Variants in PHACTR2 observed in about 807,000 individuals in gnomAD.
PHACTR2 encodes the protein phosphatase and actin regulator 2, also known as chromosome 6 open reading frame 56.
A neutral mutation model predicts 76.0 loss-of-function variants in PHACTR2; 30 were observed. That is an observed-to-expected ratio of 0.39 (90% CI 0.30 to 0.54). The LOEUF (loss-of-function observed/expected upper bound fraction) is 0.54. Ranked by LOEUF, PHACTR2 falls within the 20% of genes least tolerant of loss-of-function variation. The pLI is 0.61. For synonymous variants in PHACTR2, 292 were observed against 292.5 expected, an observed-to-expected ratio of 1.00 and a Z score of 0.02; for missense variants, 696 against 781.1, an observed-to-expected ratio of 0.89 and a Z score of 1.30.
rs561896201 is a variant in PHACTR2, at chr6:143,793,274, T to C, written c.1845+4364T>C. Among the ~76,000 whole-genome samples, 2 of 152,320 alleles carry C rather than the reference T, an allele frequency of 1.3e-5. 1 individual carries two copies. Among genetic ancestry groups the C allele is most frequent in the South Asian group, 4.1e-4 (2 of 4,826 alleles). ...AGCTGTAACAGAGAGGATTTTTTTTTTTAATTTTATGTTGAAACAAAAATG... is the reference window on the plus strand; with the variant it reads ...AGCTGTAACAGAGAGGATTTTTTTTCTTAATTTTATGTTGAAACAAAAATG... On this transcript the variant is annotated intron_variant, in intron 11 of 12. Transcript: ENST00000440869. This position sits in a 1 kb window ranked among gnomAD's most constrained non-coding sequence, Gnocchi z 4.4.
chr6:143,715,434 A>C (rs1014970818), intron 2 of PHACTR2, among the ~76,000 whole-genome samples: 6 of 152,196 alleles, frequency 3.9e-5, no homozygotes, highest in Admixed American at 3.9e-4. Context: ...CCCAGGCTCC[A>C]GCTGATGCCC....
At chr6:143,545,553 G>A (rs150707677) in intron 1 of PHACTR2, among the ~76,000 whole-genome samples, 1 of 152,324 alleles carries the variant, frequency 6.6e-6, no homozygotes, top group East Asian at 1.9e-4. Context: ...TGAGAGAACA[G>A]TGTATCAGCT....
At chr6:143,567,380 T>A (rs1367339040) in intron 1 of PHACTR2, among the ~76,000 whole-genome samples, 1 of 152,030 alleles carries the variant, frequency 6.6e-6, no homozygotes, top group East Asian at 1.9e-4. Context: ...ATTTATTGAC[T>A]TTTATTTATT....
rs1338259028 is a variant in PHACTR2 at position 143,827,714 on chromosome 6, T to C, written c.*4025T>C. The C allele has an allele frequency of 6.6e-6, 1 of 152,188 alleles. No individual in the cohort carries two copies. Among genetic ancestry groups the C allele is most frequent in the Non-Finnish European group, 1.5e-5 (1 of 68,028 alleles). 9.4% of individuals were successfully genotyped at this position (152,188 alleles called of 1,614,324 possible). On this transcript the variant is annotated 3_prime_UTR_variant, in exon 13 of 13. Coordinates refer to ENST00000440869, the MANE Select transcript of PHACTR2 (RefSeq NM_001100164.2). Reference sequence around the variant, plus strand: ...GTAGTAAGGAACTACTTAGATGCAATTTATTTACAGAATTGTCCCTTGACC... The same window carrying C: ...GTAGTAAGGAACTACTTAGATGCAACTTATTTACAGAATTGTCCCTTGACC...
At chr6:143,799,585 GTCTTTGTTCTCATTGGTT>G (rs1469906621) in intron 11 of PHACTR2, among the ~76,000 whole-genome samples, 1 of 152,046 alleles carries the variant, frequency 6.6e-6, no homozygotes. Flanking sequence ...GGTACATTGT[GTCTTTGTTCTCATTGGTT>G]TCAAAGAACA....
At chr6:143,620,431 G>GTTT (rs1156452712) in intron 1 of PHACTR2, among the ~76,000 whole-genome samples, 1 of 135,424 alleles carries the variant, frequency 7.4e-6, no homozygotes, top group Non-Finnish European at 1.6e-5. Context: ...AAGAAATGAA[G>GTTT]TTTTTTTTTT....
In PHACTR2 at chr6:143,617,016, T is replaced by C. The variant is rs922256532; in HGVS notation, c.13+8694T>C. ...AGGGAGGGCCTTGAGGCTTGGCCTC[T>C]GTCCTACCAGCTTTCAGGAGCCTTT... On this transcript the variant is annotated intron_variant, in intron 1 of 11. Transcript: ENST00000305766. The surrounding 1 kb of genome is among the most constrained non-coding windows in gnomAD (Gnocchi z 4.8). 1.3e-5 allele frequency among the ~76,000 whole-genome samples: 2 copies of C among 152,224 alleles called. No homozygotes were observed. The highest frequency in any genetic ancestry group is 4.8e-5 in the African/African-American group (2 of 41,476).
At chr6:143,545,730 A>G (rs1181473056) in intron 1 of PHACTR2, among the ~76,000 whole-genome samples, 1 of 152,200 alleles carries the variant, frequency 6.6e-6, no homozygotes, top group Non-Finnish European at 1.5e-5. Context: ...CCCCTCATAG[A>G]AACAACTCAT....
At position 143,823,175 on chromosome 6, in the gene PHACTR2, G is replaced by T. The variant is rs1165662271; in HGVS notation, c.1923-499G>T. Among the ~76,000 whole-genome samples, 10 of 152,356 alleles carry T rather than the reference G, an allele frequency of 6.6e-5. No individual in the cohort carries two copies. In the East Asian group the frequency reaches 1.9e-3, roughly 29 times the overall value. ...TTAGTATATACCTGTGGAACATCTGGGGGGAAGCGCCCTGTGGGCTTTTGG... is the reference window on the plus strand; with the variant it reads ...TTAGTATATACCTGTGGAACATCTGTGGGGAAGCGCCCTGTGGGCTTTTGG... On this transcript the variant is annotated intron_variant, in intron 12 of 12. Coordinates refer to ENST00000440869, the MANE Select transcript of PHACTR2 (RefSeq NM_001100164.2). This position sits in a 1 kb window ranked among gnomAD's most constrained non-coding sequence, Gnocchi z 5.7.
In PHACTR2 at chr6:143,823,984, C is replaced by T. The variant is rs1396213587; in HGVS notation, c.*295C>T. On this transcript the variant is annotated 3_prime_UTR_variant, in exon 13 of 13. Coordinates refer to ENST00000440869, the MANE Select transcript of PHACTR2 (RefSeq NM_001100164.2). The surrounding 1 kb of genome is among the most constrained non-coding windows in gnomAD (Gnocchi z 5.7). ...TTAATCAAAGAAGATGAGCAGAAGA[C>T]AATCACTGGCTCCCTGTTACCAGAA... 3.5e-6 allele frequency: 1 copy of T among 284,904 alleles called. No homozygotes were observed. Among genetic ancestry groups the T allele is most frequent in the Non-Finnish European group, 6.5e-6 (1 of 153,978 alleles). 17.6% of individuals were successfully genotyped at this position (284,904 alleles called of 1,614,324 possible).
intron 2 of PHACTR2, among the ~76,000 whole-genome samples, chr6:143,747,759 G>A (rs1035843393): frequency 1.3e-5 from 2 of 152,204 alleles, no homozygotes; most frequent in Non-Finnish European, 2.9e-5. Flanking sequence ...AAGGTCTGGA[G>A]GAAATAGAGT....
At chr6:143,724,292 T>G (rs955695691) in intron 2 of PHACTR2, among the ~76,000 whole-genome samples, 2 of 151,934 alleles carry the variant, frequency 1.3e-5, no homozygotes, top group Admixed American at 1.3e-4. Flanking sequence ...CCACCACGCC[T>G]GGCTAATTTT....
At position 143,775,070 on chromosome 6, in the gene PHACTR2, A is replaced by G. The variant is rs1582868389; in HGVS notation, c.1589+855A>G. On this transcript the variant is annotated intron_variant, in intron 8 of 12. Transcript: ENST00000440869. This position sits in a 1 kb window ranked among gnomAD's most constrained non-coding sequence, Gnocchi z 4.4. ...GAGCAGGATTTGGAGGTGGGGGGAA[A>G]ATTGCTGTCCTTGCTTGGAAGTGGT... 6.6e-6 allele frequency among the ~76,000 whole-genome samples: 1 copy of G among 152,188 alleles called. No homozygotes were observed. The highest frequency in any genetic ancestry group is 1.5e-5 in the Non-Finnish European group (1 of 68,042).
intron 5 of PHACTR2, among the ~76,000 whole-genome samples, chr6:143,762,119 C>T (rs1779456428): frequency 1.3e-5 from 2 of 152,108 alleles, no homozygotes; most frequent in South Asian, 4.1e-4. Context: ...TCCTAGAAAA[C>T]CCTAGAAGCA....
Position 143,731,568 on chromosome 6 carries a change from T to A in PHACTR2, c.215-17417T>A, listed in dbSNP as rs1778702632. 6.6e-6 allele frequency among the ~76,000 whole-genome samples: 1 copy of A among 152,240 alleles called. No individual in the cohort carries two copies. Among genetic ancestry groups the A allele is most frequent in the Non-Finnish European group, 1.5e-5 (1 of 68,042 alleles). ...TCCCAAAGTGCTGGGATTACAGGCA[T>A]GAGCTACGGCGCCCAGCCAGCCCCA... On this transcript the variant is annotated intron_variant, in intron 2 of 12. Transcript: ENST00000440869. This position sits in a 1 kb window ranked among gnomAD's most constrained non-coding sequence, Gnocchi z 4.9.
At chr6:143,712,622 G>A (rs547470197) in intron 2 of PHACTR2, among the ~76,000 whole-genome samples, 11 of 151,814 alleles carry the variant, frequency 7.2e-5, no homozygotes, top group East Asian at 1.9e-4. Flanking sequence ...TACACATAAC[G>A]TAATGTTAAC....
At position 143,688,203 on chromosome 6, in the gene PHACTR2, G is replaced by T. The variant is rs1777565183; in HGVS notation, c.46+9994G>T. ...TTTTTTTTTTTTAAATCAAACCAGA[G>T]AAATGATTATTGCTTTGCCTCCGGA... On this transcript the variant is annotated intron_variant, in intron 1 of 12. Transcript: ENST00000440869. This position sits in a 1 kb window ranked among gnomAD's most constrained non-coding sequence, Gnocchi z 5.2. Among the ~76,000 whole-genome samples, 1 of 151,476 alleles carries T rather than the reference G, an allele frequency of 6.6e-6. No homozygotes were observed. The highest frequency in any genetic ancestry group is 2.1e-4 in the South Asian group (1 of 4,774).
chr6:143,771,203 T>C lies in PHACTR2; in HGVS notation c.1233-1055T>C, dbSNP rs1304061271. 1.9e-3 allele frequency among the ~76,000 whole-genome samples: 122 copies of C among 64,086 alleles called. 2 individuals are homozygous for C. Among genetic ancestry groups the C allele is most frequent in the Non-Finnish European group, 2.7e-3 (96 of 35,098 alleles). The allele number at this position is 64,086 out of a possible 152,430, so 42.0% of individuals were successfully genotyped here. ...ATATATATATATGTGTGTATATATA[T>C]ATATATATATATATATATATATATA... On this transcript the variant is annotated intron_variant, in intron 6 of 12. Transcript: ENST00000440869.
At chr6:143,575,594 A>T (rs1775496619) in intron 1 of PHACTR2, among the ~76,000 whole-genome samples, 1 of 152,222 alleles carries the variant, frequency 6.6e-6, no homozygotes, top group African/African-American at 2.4e-5. Context: ...GACACCAGAG[A>T]CTTGATGTTG....
Sources: allele counts gnomAD v4.1 joint callset (sites outside exome capture counted in the v4.1 genomes callset), GRCh38; gene constraint gnomAD v4.1.1; non-coding constraint Gnocchi (gnomAD v3.1); transcripts MANE v1.5; gene names NCBI Gene and HGNC (gene_info 2026-07-23, HGNC 2026-07-21).